The following MCTP1 variants were observed in gnomAD, a reference collection of about 807,000 sequenced individuals.
MCTP1 encodes the protein multiple C2 and transmembrane domain containing 1.
MCTP1 carries 69 observed loss-of-function variants against 120.6 expected under a neutral mutation model. The observed-to-expected ratio is 0.57, with a 90% CI of 0.47 to 0.70. The LOEUF is 0.70. Among genes scored for constraint, MCTP1 ranks in the 30% least tolerant of loss-of-function variants. The pLI is 0.00. For synonymous variants in MCTP1, 529 were observed against 493.1 expected (o/e 1.07, Z -0.96); for missense variants, 1,203 against 1,248.8 (o/e 0.96, Z 0.55).
rs539065621 is a variant in MCTP1 at position 95,109,977 on chromosome 5, A to G, written c.721-92493T>C. Among the ~76,000 whole-genome samples the G allele has an allele frequency of 2.6e-5, 4 of 152,314 alleles. 1 individual carries two copies. The highest frequency in any genetic ancestry group is 9.6e-5 in the African/African-American group (4 of 41,566). On this transcript the variant is annotated intron_variant, in intron 1 of 22. Coordinates refer to ENST00000515393, the MANE Select transcript of MCTP1 (RefSeq NM_024717.7). ...AGACTATGCCTATAACAAGTAAATA[A>G]CTAATTAGTGTGTGGTAGACTGGTG...
chr5:94,873,766 C>G (rs1798261464), intron 12 of MCTP1, among the ~76,000 whole-genome samples: 1 of 151,852 alleles, frequency 6.6e-6, no homozygotes. Flanking sequence ...TTACTTTCTT[C>G]TGAGATATCT....
At chr5:95,167,517 T>C (rs1223440744) in intron 1 of MCTP1, among the ~76,000 whole-genome samples, 1 of 152,222 alleles carries the variant, frequency 6.6e-6, no homozygotes, top group Non-Finnish European at 1.5e-5. Context: ...TAGTTTACAG[T>C]CCCACCAACA....
chr5:95,054,433 G>A (rs1746821985), intron 1 of MCTP1, among the ~76,000 whole-genome samples: 1 of 152,248 alleles, frequency 6.6e-6, no homozygotes, highest in Non-Finnish European at 1.5e-5. Context: ...AGGACCTGCA[G>A]AAGACATAAA....
intron 1 of MCTP1, among the ~76,000 whole-genome samples, chr5:95,175,640 G>A (rs1416872248): frequency 6.6e-6 from 1 of 152,196 alleles, no homozygotes; most frequent in African/African-American, 2.4e-5. Flanking sequence ...TGGCTTTGGT[G>A]AAGACTGCTT....
intron 1 of MCTP1, among the ~76,000 whole-genome samples, chr5:95,214,854 G>A (rs1028324477): frequency 1.0e-4 from 14 of 137,848 alleles, no homozygotes; most frequent in African/African-American, 3.0e-4. Flanking sequence ...ATCACACACC[G>A]GGGACTGTTG....
intron 19 of MCTP1, among the ~76,000 whole-genome samples, chr5:94,741,247 ACT>A (rs1765457650): frequency 6.6e-6 from 1 of 152,150 alleles, no homozygotes; most frequent in South Asian, 2.1e-4. Context: ...TTCTGGAAAC[ACT>A]CTCACATAGT....
intron 1 of MCTP1, among the ~76,000 whole-genome samples, chr5:95,063,345 C>T (rs1749757127): frequency 6.6e-6 from 1 of 152,136 alleles, no homozygotes; most frequent in South Asian, 2.1e-4. Flanking sequence ...CTTCATTGTA[C>T]TATGTCTCTC....
chr5:95,075,271 A>T (rs1362113099), intron 1 of MCTP1, among the ~76,000 whole-genome samples: 1 of 152,228 alleles, frequency 6.6e-6, no homozygotes, highest in Non-Finnish European at 1.5e-5. Context: ...GTAACTCTAC[A>T]TATCCTTGGT....
chr5:95,220,472 A>G (rs141785707), intron 1 of MCTP1, among the ~76,000 whole-genome samples: 74 of 152,240 alleles, frequency 4.9e-4, no homozygotes, highest in African/African-American at 1.5e-3. Flanking sequence ...TTTTACCTGA[A>G]TCTTTTGTTT....
intron 17 of MCTP1, among the ~76,000 whole-genome samples, chr5:94,847,434 G>A (rs555525154): frequency 3.3e-5 from 5 of 151,748 alleles, no homozygotes; most frequent in East Asian, 3.9e-4. Context: ...TACATCTCCC[G>A]AGAAAATGAA....
In MCTP1 at chr5:94,909,275, C is replaced by A; in HGVS notation, c.1628G>T (p.Gly543Val). The change falls in exon 10 of 23, where the codon GGG becomes GTG. Residue 543 changes from glycine to valine, a missense_variant. This residue lies in a region of MCTP1 where 740 missense variants were observed against 871.1 expected (regional missense o/e 0.85). Coordinates refer to ENST00000515393, the MANE Select transcript of MCTP1 (RefSeq NM_024717.7). ...IDITAWDKDA[G>V]KRDDFIGRCQ... ...CCTGCCAATGAAATCATCCCTTTTC[C>A]CAGCATCTTTGTCCCATGCAGTGAT... is the stretch of plus-strand genomic sequence containing the variant. The A allele has an allele frequency of 6.2e-7, 1 of 1,611,632 alleles. No individual in the cohort carries two copies. Among genetic ancestry groups the A allele is most frequent in the Non-Finnish European group, 8.5e-7 (1 of 1,178,844 alleles).
intron 1 of MCTP1, among the ~76,000 whole-genome samples, chr5:95,231,500 CAA>C (rs1194114980): frequency 6.6e-6 from 1 of 152,048 alleles, no homozygotes; most frequent in Non-Finnish European, 1.5e-5. Flanking sequence ...CATCAGGCAA[CAA>C]AAGACAGTAA....
intron 1 of MCTP1, among the ~76,000 whole-genome samples, chr5:95,173,686 T>G (rs187223728): frequency 6.5e-4 from 99 of 152,256 alleles, no homozygotes; most frequent in African/African-American, 2.2e-3. Flanking sequence ...TTAATCAGTA[T>G]TTTAGTGCTT....
At chr5:94,981,372 T>G (rs1330334049) in intron 2 of MCTP1, among the ~76,000 whole-genome samples, 1 of 152,230 alleles carries the variant, frequency 6.6e-6, no homozygotes, top group Non-Finnish European at 1.5e-5. Flanking sequence ...ACAGGGCTCT[T>G]GCATATTACA....
intron 18 of MCTP1, among the ~76,000 whole-genome samples, chr5:94,795,260 G>A (rs1779764250): frequency 6.6e-6 from 1 of 151,768 alleles, no homozygotes; most frequent in Admixed American, 6.6e-5. Context: ...GGCGGGGGTG[G>A]GGTGGGGATG....
intron 1 of MCTP1, among the ~76,000 whole-genome samples, chr5:95,244,199 T>C (rs542533211): frequency 6.6e-6 from 1 of 152,244 alleles, no homozygotes; most frequent in Non-Finnish European, 1.5e-5. Context: ...AACAGGTGAA[T>C]GCATGAACAA....
chr5:94,756,882 T>A (rs986545817), intron 19 of MCTP1, among the ~76,000 whole-genome samples: 1 of 151,930 alleles, frequency 6.6e-6, no homozygotes, highest in African/African-American at 2.4e-5. Context: ...CTAGAATTTA[T>A]GACTTTTTTT....
chr5:94,786,905 ATT>A (rs1777845785), intron 18 of MCTP1, among the ~76,000 whole-genome samples: 1 of 152,186 alleles, frequency 6.6e-6, no homozygotes, highest in African/African-American at 2.4e-5. Context: ...TTCAGTGATT[ATT>A]TGCACTCATA....
chr5:94,995,209 G>A (rs899400896), intron 2 of MCTP1, among the ~76,000 whole-genome samples: 1 of 152,118 alleles, frequency 6.6e-6, no homozygotes, highest in African/African-American at 2.4e-5. Context: ...TACATCCGTG[G>A]TTCTCAAACT....
Sources: allele counts gnomAD v4.1 joint callset (sites outside exome capture counted in the v4.1 genomes callset), GRCh38; gene constraint gnomAD v4.1.1; regional missense constraint gnomAD v4.1.1; transcripts MANE v1.5; gene names NCBI Gene and HGNC (gene_info 2026-07-23, HGNC 2026-07-21).